Variants in ADAMTS17 observed in about 807,000 individuals in gnomAD.
ADAMTS17 encodes ADAM metallopeptidase with thrombospondin type 1 motif 17, also known as A disintegrin and metalloproteinase with thrombospondin motifs 17.
Under a neutral mutation model 141.5 loss-of-function variants are expected in ADAMTS17, and 113 were observed. The ratio of observed to expected loss-of-function variants is 0.80; its 90% CI spans 0.69 to 0.93. The LOEUF (loss-of-function observed/expected upper bound fraction) is 0.93. Ranked by LOEUF, ADAMTS17 falls within the 40% of genes least tolerant of loss-of-function variation. The probability of loss-of-function intolerance (pLI) is 0.00; values close to 1 mark genes in which losing one functional copy is unlikely to be tolerated. For synonymous variants in ADAMTS17, 768 were observed against 630.6 expected, an observed-to-expected ratio of 1.22 and a Z score of -3.27; for missense variants, 1,659 against 1,517.9, an observed-to-expected ratio of 1.09 and a Z score of -1.54.
At chr15:100,038,288 A>C (rs2030935261) in intron 18 of ADAMTS17, among the ~76,000 whole-genome samples, 1 of 152,174 alleles carries the variant, frequency 6.6e-6, no homozygotes, top group African/African-American at 2.4e-5. Context: ...TAAGCTTTGA[A>C]ATTGGGAAGC....
At chr15:100,203,851 A>G (rs575543477) in intron 7 of ADAMTS17, among the ~76,000 whole-genome samples, 1 of 152,130 alleles carries the variant, frequency 6.6e-6, no homozygotes, top group East Asian at 1.9e-4. Flanking sequence ...GTGAGCTGAG[A>G]TCCATCACTG....
intron 10 of ADAMTS17, among the ~76,000 whole-genome samples, chr15:100,136,468 C>T (rs548152874): frequency 2.6e-5 from 4 of 152,318 alleles, no homozygotes; most frequent in Admixed American, 6.5e-5. Context: ...GGTGACTACA[C>T]GAATGCTTGT....
At chr15:100,135,451 T>A (rs1177259774) in intron 10 of ADAMTS17, among the ~76,000 whole-genome samples, 1 of 152,054 alleles carries the variant, frequency 6.6e-6, no homozygotes, top group African/African-American at 2.4e-5. Flanking sequence ...ACCCGGCTAA[T>A]TTTTTGTATT....
intron 15 of ADAMTS17, among the ~76,000 whole-genome samples, chr15:100,063,016 C>A (rs1467614633): frequency 1.3e-5 from 2 of 152,184 alleles, no homozygotes; most frequent in African/African-American, 4.8e-5. Flanking sequence ...CTGGGGTCGT[C>A]TGGGAATTGG....
intron 15 of ADAMTS17, among the ~76,000 whole-genome samples, chr15:100,060,954 C>T (rs958556538): frequency 6.6e-6 from 1 of 152,250 alleles, no homozygotes; most frequent in African/African-American, 2.4e-5. Context: ...TGAGTGTGGA[C>T]CACCTTCAGG....
At position 99,974,371 on chromosome 15, in the gene ADAMTS17, C is replaced by G. The variant is rs747870419; in HGVS notation, c.*31G>C. ...GGGTGGGTGGGTTTCAGACCTGAGTCTGAGCTTTGAGCGACCCTTGGGACT... is the reference window on the plus strand; with the variant it reads ...GGGTGGGTGGGTTTCAGACCTGAGTGTGAGCTTTGAGCGACCCTTGGGACT... On this transcript the variant is annotated 3_prime_UTR_variant, in exon 22 of 22. Transcript: ENST00000268070. 2 of 1,613,736 alleles carry G rather than the reference C, an allele frequency of 1.2e-6. No individual in the cohort carries two copies. The highest frequency in any genetic ancestry group is 1.1e-5 in the South Asian group (1 of 91,036).
At position 99,997,516 on chromosome 15, in the gene ADAMTS17, C is replaced by T. The variant is rs373132940; in HGVS notation, c.2665G>A (p.Val889Met). ...KGFQHREVTC[V>M]YQLQNGTHVA... ...TGTGTGCCGTTCTGCAGCTGGTACACGCAGGTCACCTCCCGGTGCTGGAAG... is the reference window on the plus strand; with the variant it reads ...TGTGTGCCGTTCTGCAGCTGGTACATGCAGGTCACCTCCCGGTGCTGGAAG... Residue 889 changes from valine (V) to methionine (M), a missense_variant, in exon 19 of 22, where the codon GTG (valine) becomes ATG (methionine). By Grantham distance (21) the Val-to-Met change is conservative. Transcript: ENST00000268070. The surrounding 1 kb of genome is among the most constrained non-coding windows in gnomAD (Gnocchi z 4.7). 2.3e-5 allele frequency: 37 copies of T among 1,613,518 alleles called. No homozygotes were observed. Among genetic ancestry groups the T allele is most frequent in the South Asian group, 1.2e-4 (11 of 91,078 alleles).
rs2036590256 is a variant in ADAMTS17 at position 100,109,172 on chromosome 15, A to G, written c.1889-56T>C. 6 of 1,561,106 alleles carry G rather than the reference A, an allele frequency of 3.8e-6. No homozygotes were observed. The Admixed American group carries it at 9.6e-5, about 25-fold the overall frequency. On this transcript the variant is annotated intron_variant, in intron 13 of 21. Coordinates refer to ENST00000268070, the MANE Select transcript of ADAMTS17 (RefSeq NM_139057.4). ...ACGGGAAGGTGTGCGTGGGCCATGCAGGGCACAGGTACATGTGGGCAGAGG... is the reference window on the plus strand; with the variant it reads ...ACGGGAAGGTGTGCGTGGGCCATGCGGGGCACAGGTACATGTGGGCAGAGG...
At chr15:99,994,001 T>C (rs2060744479) in intron 19 of ADAMTS17, among the ~76,000 whole-genome samples, 1 of 152,138 alleles carries the variant, frequency 6.6e-6, no homozygotes, top group Non-Finnish European at 1.5e-5. Context: ...ACAGGCACTC[T>C]GGAGTGCGTC....
At chr15:100,115,202 C>G (rs1174022400) in intron 13 of ADAMTS17, among the ~76,000 whole-genome samples, 1 of 152,178 alleles carries the variant, frequency 6.6e-6, no homozygotes, top group Non-Finnish European at 1.5e-5. Flanking sequence ...TAGGGGTCTG[C>G]GTGTGCCTGA....
intron 3 of ADAMTS17, among the ~76,000 whole-genome samples, chr15:100,286,305 A>T (rs2044446805): frequency 6.6e-6 from 1 of 151,946 alleles, no homozygotes; most frequent in Admixed American, 6.6e-5. Context: ...CTCCACTGGG[A>T]CTCCACTGCT....
At chr15:100,093,872 A>G (rs2035610794) in intron 15 of ADAMTS17, among the ~76,000 whole-genome samples, 1 of 152,012 alleles carries the variant, frequency 6.6e-6, no homozygotes, top group Admixed American at 6.6e-5. Context: ...TGCATAAATA[A>G]CCATTGCGTG....
chr15:100,124,473 A>G (rs930996510), intron 12 of ADAMTS17, among the ~76,000 whole-genome samples: 3 of 152,230 alleles, frequency 2.0e-5, no homozygotes, highest in Non-Finnish European at 2.9e-5. Flanking sequence ...AATTACTGAC[A>G]ACACCGGTGT....
At chr15:99,995,148 C>G (rs1465191490) in intron 19 of ADAMTS17, among the ~76,000 whole-genome samples, 1 of 152,216 alleles carries the variant, frequency 6.6e-6, no homozygotes, top group African/African-American at 2.4e-5. Context: ...CGGGGCACTG[C>G]ACTGCAGGGC....
intron 4 of ADAMTS17, among the ~76,000 whole-genome samples, chr15:100,272,007 C>G (rs142015301): frequency 7.6e-6 from 1 of 131,652 alleles, no homozygotes; most frequent in African/African-American, 2.9e-5. Flanking sequence ...GCATCCTTAC[C>G]AAAAATTATT....
At chr15:100,006,651 T>A (rs1158166482) in intron 18 of ADAMTS17, among the ~76,000 whole-genome samples, 6 of 152,164 alleles carry the variant, frequency 3.9e-5, no homozygotes, top group Non-Finnish European at 8.8e-5. Context: ...TGTCCAGGGG[T>A]CCAGTGTTAA....
At chr15:100,082,484 C>T (rs987522962) in intron 15 of ADAMTS17, among the ~76,000 whole-genome samples, 2 of 151,920 alleles carry the variant, frequency 1.3e-5, no homozygotes, top group African/African-American at 4.8e-5. Context: ...CACCCCAGCT[C>T]ATGCAATCCT....
chr15:100,239,403 G>A (rs74037594), intron 7 of ADAMTS17, among the ~76,000 whole-genome samples: 64 of 152,316 alleles, frequency 4.2e-4, no homozygotes, highest in African/African-American at 1.5e-3. Flanking sequence ...GACTGGTGCA[G>A]GGATACCGCA....
chr15:100,094,050 G>A (rs1328114772), intron 15 of ADAMTS17, among the ~76,000 whole-genome samples: 3 of 151,812 alleles, frequency 2.0e-5, no homozygotes, highest in Admixed American at 6.6e-5. Context: ...CCACATGGAT[G>A]TGGGCTCGTG....
Sources: allele counts gnomAD v4.1 joint callset (sites outside exome capture counted in the v4.1 genomes callset), GRCh38; gene constraint gnomAD v4.1.1; non-coding constraint Gnocchi (gnomAD v3.1); transcripts MANE v1.5; gene names NCBI Gene and HGNC (gene_info 2026-07-23, HGNC 2026-07-21).